Variants in VCAN observed in about 807,000 individuals in gnomAD.
The protein encoded by VCAN is versican.
In VCAN, 44 loss-of-function variants were observed where a neutral mutation model predicts 245.5. The observed-to-expected ratio is 0.18, with a 90% CI of 0.14 to 0.23. VCAN has a LOEUF of 0.23. Among genes scored for constraint, VCAN ranks in the 10% least tolerant of loss-of-function variants. The pLI, the probability that VCAN is intolerant of heterozygous loss-of-function variation, is 1.00. For missense variants in VCAN, 3,793 were observed against 4,057.9 expected, an observed-to-expected ratio of 0.93 and a Z score of 1.77; for synonymous variants, 1,413 against 1,437.0, an observed-to-expected ratio of 0.98 and a Z score of 0.38.
Position 83,521,249 on chromosome 5 carries a change from A to G in VCAN, c.2943A>G (p.Thr981=), listed in dbSNP as rs144070403. ...HTIPLSVIPK[T]DWGVLVPSVP... Reference sequence around the variant, plus strand: ...TTCCTCTTTCTGTAATTCCCAAGACAGACTGGGGAGTGTTAGTACCTTCTG... The same window carrying G: ...TTCCTCTTTCTGTAATTCCCAAGACGGACTGGGGAGTGTTAGTACCTTCTG... The change falls in exon 7 of 15, where the codon ACA becomes ACG. Residue 981 remains threonine (T), a synonymous_variant. Coordinates refer to ENST00000265077, the MANE Select transcript of VCAN (RefSeq NM_004385.5). 4 of 1,614,116 alleles carry G rather than the reference A, an allele frequency of 2.5e-6. No homozygotes were observed. In the Admixed American group the frequency reaches 5.0e-5, roughly 20 times the overall value.
At chr5:83,503,720 A>G (rs1745401272) in intron 5 of VCAN, among the ~76,000 whole-genome samples, 1 of 152,222 alleles carries the variant, frequency 6.6e-6, no homozygotes, top group African/African-American at 2.4e-5. Context: ...CTCAGCTTTG[A>G]CTGCCACAGA....
In VCAN at chr5:83,554,639, T is replaced by A. The variant is rs527553097; in HGVS notation, c.9653-317T>A. The stretch of plus-strand genomic sequence containing the variant: ...CAACAACAACAAAAAAATAGAAAAT[T>A]TCTATCATAAAAAAAAGAAAATTTC... On this transcript the variant is annotated intron_variant, in intron 11 of 14. Coordinates refer to ENST00000265077, the MANE Select transcript of VCAN (RefSeq NM_004385.5). Among the ~76,000 whole-genome samples the A allele has an allele frequency of 3.3e-5, 5 of 152,170 alleles. No homozygotes were observed. In the South Asian group the frequency reaches 1.0e-3, roughly 32 times the overall value.
intron 13 of VCAN, among the ~76,000 whole-genome samples, chr5:83,574,777 C>T (rs879569523): frequency 1.3e-5 from 2 of 152,004 alleles, no homozygotes; most frequent in Admixed American, 1.3e-4. Flanking sequence ...ATCCTTATAT[C>T]TGTAGTTGAA....
intron 5 of VCAN, among the ~76,000 whole-genome samples, chr5:83,506,039 G>A (rs1215617517): frequency 1.3e-5 from 2 of 152,204 alleles, no homozygotes. Flanking sequence ...CGGGGACCCT[G>A]GGCCTGGCCC....
rs8061 is a variant in VCAN at position 83,581,164 on chromosome 5, A to G, written c.*730A>G. On this transcript the variant is annotated 3_prime_UTR_variant, in exon 15 of 15. Coordinates refer to ENST00000265077, the MANE Select transcript of VCAN (RefSeq NM_004385.5). ...ATGGAGGACTTTTCTGTAACCAGGA[A>G]CATTTTTTAGGGGTCAAAGTGCTAA... The G allele has an allele frequency of 0.038, 5,786 of 153,214 alleles. 307 individuals are homozygous for G. The highest frequency in any genetic ancestry group is 0.11 in the African/African-American group (4,746 of 41,470). The allele number at this position is 153,214 out of a possible 1,614,324, so 9.5% of individuals were successfully genotyped here. A position where few individuals can be genotyped will look rare whatever the true frequency, so the allele number is the denominator to read the frequency against.
At chr5:83,511,261 AAAG>A (rs773333503) in intron 5 of VCAN, among the ~76,000 whole-genome samples, 4 of 151,964 alleles carry the variant, frequency 2.6e-5, no homozygotes, top group Non-Finnish European at 5.9e-5. Context: ...CCTAAAAAAA[AAAG>A]AAGTCTCTTG....
rs766777035 is a variant in VCAN, at chr5:83,519,618, G to A, written c.1312G>A (p.Asp438Asn). 3.7e-6 allele frequency: 6 copies of A among 1,614,148 alleles called. No homozygotes were observed. The highest frequency in any genetic ancestry group is 1.1e-5 in the South Asian group (1 of 91,076). Residue 438 changes from aspartate to asparagine, a missense_variant, in exon 7 of 15, where the codon GAC becomes AAC. By Grantham distance (23) the Asp-to-Asn change is conservative (BLOSUM62 1). This residue lies in a region of VCAN where 3,182 missense variants were observed against 3,250.3 expected (regional missense o/e 0.98). Coordinates refer to ENST00000265077, the MANE Select transcript of VCAN (RefSeq NM_004385.5). Reference sequence around the variant, plus strand: ...TACCAAGAAGCCCTGGGATATGGATGACTACTCACCTTCTGCTTCAGGACC... The same window carrying A: ...TACCAAGAAGCCCTGGGATATGGATAACTACTCACCTTCTGCTTCAGGACC... ...GSTKKPWDMD[D>N]YSPSASGPLG...
chr5:83,472,440 A>T (rs1375396269), intron 1 of VCAN, among the ~76,000 whole-genome samples: 1 of 151,982 alleles, frequency 6.6e-6, no homozygotes, highest in East Asian at 1.9e-4. Context: ...TTGAATGGGG[A>T]CTACCAAGAC....
Position 83,575,173 on chromosome 5 carries a change from G to T in VCAN, c.9880+2613G>T, listed in dbSNP as rs549375803. Among the ~76,000 whole-genome samples the T allele has an allele frequency of 4.6e-5, 7 of 152,196 alleles. No individual in the cohort carries two copies. In the South Asian group the frequency reaches 1.5e-3, roughly 32 times the overall value. On this transcript the variant is annotated intron_variant, in intron 13 of 14. Transcript: ENST00000265077. ...TAGGAAAGATTTAAACCCCAATAAT[G>T]AGAAATTCTATTAGAAGAAAGAGAA...
At chr5:83,473,241 T>G (rs1338607241) in intron 1 of VCAN, among the ~76,000 whole-genome samples, 2 of 152,128 alleles carry the variant, frequency 1.3e-5, no homozygotes, top group Non-Finnish European at 2.9e-5. Context: ...TCTGTGTCAC[T>G]GGGCGTGGAG....
rs766603369 is a variant in VCAN, at chr5:83,520,563, A to G, written c.2257A>G (p.Ile753Val). ...MTKSFDFPTLITKLSAEPTEV... is the reference protein window; with the variant it reads ...MTKSFDFPTLVTKLSAEPTEV... The stretch of plus-strand genomic sequence containing the variant: ...CAAGTCTTTTGATTTCCCAACATTG[A>G]TAACAAAGTTAAGTGCAGAGCCAAC... Residue 753 changes from isoleucine (I) to valine (V), a missense_variant, in exon 7 of 15, where the codon ATA (isoleucine) becomes GTA (valine). Ile to Val is a conservative substitution (Grantham distance 29, BLOSUM62 3). Around this residue, in one of 5 missense-constraint regions of VCAN, gnomAD observed 3,182 missense variants for 3,250.3 expected, o/e 0.98. Transcript: ENST00000265077. 1.9e-6 allele frequency: 3 copies of G among 1,614,040 alleles called. No homozygotes were observed. The highest frequency in any genetic ancestry group is 1.1e-5 in the South Asian group (1 of 91,086).
intron 7 of VCAN, among the ~76,000 whole-genome samples, chr5:83,526,128 C>T (rs899731300): frequency 6.6e-6 from 1 of 152,074 alleles, no homozygotes; most frequent in Non-Finnish European, 1.5e-5. Flanking sequence ...TTAGTAGAGA[C>T]AGGGTTTCAC....
Position 83,520,784 on chromosome 5 carries a change from G to A in VCAN, c.2478G>A (p.Leu826=). 4 of 1,614,036 alleles carry A rather than the reference G, an allele frequency of 2.5e-6. No homozygotes were observed. The highest frequency in any genetic ancestry group is 3.4e-6 in the Non-Finnish European group (4 of 1,179,962). ...ESTEPSASSK[L]PPALLTTVGM... is the part of the protein sequence containing the mutation. ...CAGAACCTTCAGCCTCTTCAAAATT[G>A]CCCCCTGCCTTACTCACAACTGTGG... The change falls in exon 7 of 15, where the codon TTG becomes TTA. Residue 826 remains leucine, a synonymous_variant. Coordinates refer to ENST00000265077, the MANE Select transcript of VCAN (RefSeq NM_004385.5).
chr5:83,494,829 G>A (rs1745107542), intron 5 of VCAN, among the ~76,000 whole-genome samples: 1 of 152,002 alleles, frequency 6.6e-6, no homozygotes, highest in Non-Finnish European at 1.5e-5. Context: ...GCATATGCCT[G>A]TAGTCACAGT....
At chr5:83,544,322 G>A (rs372147237) in intron 8 of VCAN, among the ~76,000 whole-genome samples, 3 of 152,196 alleles carry the variant, frequency 2.0e-5, no homozygotes, top group South Asian at 2.1e-4. Context: ...TAATTTTAAC[G>A]TGAATCCCAA....
chr5:83,568,330 A>T (rs1748161223), intron 12 of VCAN, among the ~76,000 whole-genome samples: 1 of 152,184 alleles, frequency 6.6e-6, no homozygotes, highest in African/African-American at 2.4e-5. Flanking sequence ...TAATAGTGTG[A>T]CATGCCTGTG....
At position 83,520,888 on chromosome 5, in the gene VCAN, C is replaced by T. The variant is rs1455689491; in HGVS notation, c.2582C>T (p.Thr861Ile). 3 of 1,613,994 alleles carry T rather than the reference C, an allele frequency of 1.9e-6. No individual in the cohort carries two copies. The highest frequency in any genetic ancestry group is 2.7e-5 in the African/African-American group (2 of 74,910). Residue 861 changes from threonine (T) to isoleucine (I), a missense_variant, in exon 7 of 15, where the codon ACT (threonine) becomes ATT (isoleucine). Around this residue, in one of 5 missense-constraint regions of VCAN, gnomAD observed 3,182 missense variants for 3,250.3 expected, o/e 0.98. Transcript: ENST00000265077. ...GAATTTACTCTTATTCCAGATAGTA[C>T]TCAAAAGCAGTTAGAGGAGGTTACT... The part of the protein sequence containing the change: ...ADEFTLIPDS[T>I]QKQLEEVTDE...
Position 83,539,719 on chromosome 5 carries a change from G to A in VCAN, c.6716G>A (p.Gly2239Asp), listed in dbSNP as rs140661930. ...GAAAGTACAAAACATTTTCCGAAAG[G>A]CATGAGACCAACAATTCAAGAGTCA... ...KEESTKHFPK[G>D]MRPTIQESDT... Residue 2239 changes from glycine to aspartate, a missense_variant, in exon 8 of 15, where the codon GGC becomes GAC. Physicochemically the swap from Gly to Asp is moderately conservative, Grantham distance 94. Around this residue, in one of 5 missense-constraint regions of VCAN, gnomAD observed 3,182 missense variants for 3,250.3 expected, o/e 0.98. Transcript: ENST00000265077. 1.4e-5 allele frequency: 23 copies of A among 1,613,614 alleles called. 1 individual carries two copies. In the South Asian group the frequency reaches 2.4e-4, roughly 17 times the overall value.
At position 83,553,325 on chromosome 5, in the gene VCAN, G is replaced by T. The variant is rs150070035; in HGVS notation, c.9494-39G>T. ...GTTGGGGGTGCCAAGTTTGAATGAC[G>T]TATGTGCGTTTAATAAGCTCCTGCC... On this transcript the variant is annotated intron_variant, in intron 10 of 14. Coordinates refer to ENST00000265077, the MANE Select transcript of VCAN (RefSeq NM_004385.5). 2.4e-5 allele frequency: 38 copies of T among 1,613,042 alleles called. No homozygotes were observed. The African/African-American group carries it at 3.6e-4, about 15-fold the overall frequency.
Sources: gnomAD v4.1 joint callset for allele counts (sites outside exome capture counted in the v4.1 genomes callset) on GRCh38, gnomAD v4.1.1 for gene constraint, gnomAD v4.1.1 regional missense constraint, MANE v1.5 for transcripts, NCBI Gene and HGNC (gene_info 2026-07-23, HGNC 2026-07-21) for gene names.